The following SORCS2 variants were observed in gnomAD, a reference collection of about 807,000 sequenced individuals.
SORCS2 encodes sortilin related VPS10 domain containing receptor 2.
SORCS2 carries 100 observed loss-of-function variants against 141.6 expected under a neutral mutation model. That is an observed-to-expected ratio of 0.71 (90% CI 0.60 to 0.83). The LOEUF (loss-of-function observed/expected upper bound fraction) is 0.83. Ranked by LOEUF, SORCS2 falls within the 40% of genes least tolerant of loss-of-function variation. The probability of loss-of-function intolerance (pLI) is 0.00; values close to 1 mark genes in which losing one functional copy is unlikely to be tolerated. For missense variants in SORCS2, 1,646 were observed against 1,560.2 expected (o/e 1.05, Z -0.93); for synonymous variants, 789 against 676.9 (o/e 1.17, Z -2.57).
At chr4:7,278,345 C>G (rs143548991) in intron 1 of SORCS2, among the ~76,000 whole-genome samples, 3 of 152,164 alleles carry the variant, frequency 2.0e-5, no homozygotes, top group African/African-American at 7.2e-5. Flanking sequence ...ACGGGGTCTT[C>G]GTTCTTCTTC....
Position 7,676,163 on chromosome 4 carries a change from G to A in SORCS2, c.1275G>A (p.Ala425=), listed in dbSNP as rs774248850. The A allele has an allele frequency of 6.4e-6, 10 of 1,559,214 alleles. No individual in the cohort carries two copies. Among genetic ancestry groups the A allele is most frequent in the Admixed American group, 3.8e-5 (2 of 51,962 alleles). Residue 425 remains alanine (A), a synonymous_variant, in exon 9 of 27, where the codon GCG becomes GCA. Coordinates refer to ENST00000507866, the MANE Select transcript of SORCS2 (RefSeq NM_020777.3). ...CGGACCCACGGGGCGTGCGCTACGC[G>A]CTGGTGCTGCAGGACGTGCGCAGCT... The part of the protein sequence containing the change: ...YQSDPRGVRY[A]LVLQDVRSSR...
chr4:7,268,566 G>A (rs1227505765), intron 1 of SORCS2, among the ~76,000 whole-genome samples: 1 of 152,190 alleles, frequency 6.6e-6, no homozygotes, highest in African/African-American at 2.4e-5. Flanking sequence ...GCAAACCTCC[G>A]AGGGCCCATG....
At chr4:7,332,297 C>T (rs1301540583) in intron 1 of SORCS2, among the ~76,000 whole-genome samples, 4 of 152,182 alleles carry the variant, frequency 2.6e-5, no homozygotes, top group East Asian at 1.9e-4. Flanking sequence ...GGGCCCTGTC[C>T]GCAGGCTCTG....
chr4:7,575,933 G>T (rs1715720700), intron 3 of SORCS2, among the ~76,000 whole-genome samples: 1 of 152,226 alleles, frequency 6.6e-6, no homozygotes, highest in South Asian at 2.1e-4. Flanking sequence ...ACAACTGAAT[G>T]ATCTGAGTTC....
At chr4:7,345,764 T>G (rs530523077) in intron 1 of SORCS2, among the ~76,000 whole-genome samples, 1 of 152,232 alleles carries the variant, frequency 6.6e-6, no homozygotes, top group Non-Finnish European at 1.5e-5. Context: ...TTGGTAACCC[T>G]TCTGCAGCAG....
chr4:7,446,029 C>G (rs192296936), intron 2 of SORCS2, among the ~76,000 whole-genome samples: 399 of 152,212 alleles, frequency 2.6e-3, no homozygotes, highest in Non-Finnish European at 4.5e-3. Context: ...CCTTCTCTCC[C>G]TCTTTCATTC....
chr4:7,364,468 G>GT (rs1239351579), intron 1 of SORCS2, among the ~76,000 whole-genome samples: 1 of 152,208 alleles, frequency 6.6e-6, no homozygotes, highest in Non-Finnish European at 1.5e-5. Flanking sequence ...TGCTATGGGG[G>GT]TGGCAGTGGG....
At chr4:7,470,195 T>G (rs980202123) in intron 2 of SORCS2, among the ~76,000 whole-genome samples, 4 of 150,620 alleles carry the variant, frequency 2.7e-5, no homozygotes, top group African/African-American at 9.8e-5. Context: ...CTCCCATCCC[T>G]CCCATCCATC....
Position 7,374,674 on chromosome 4 carries a change from C to T in SORCS2, c.481-21614C>T, listed in dbSNP as rs896561177. On this transcript the variant is annotated intron_variant, in intron 1 of 26. Transcript: ENST00000507866. The stretch of plus-strand genomic sequence containing the variant: ...ACGACCAAGAGCTGGGGTCCCCGAT[C>T]GCTGAACAGCCCACACATTTGCAGG... Among the ~76,000 whole-genome samples, 13 of 152,148 alleles carry T rather than the reference C, an allele frequency of 8.5e-5. No homozygotes were observed. The South Asian group carries it at 1.5e-3, about 17-fold the overall frequency.
At chr4:7,607,190 T>C (rs1211123514) in intron 3 of SORCS2, among the ~76,000 whole-genome samples, 2 of 152,210 alleles carry the variant, frequency 1.3e-5, no homozygotes, top group Admixed American at 6.5e-5. Context: ...ACCTTCAAAA[T>C]TGATCTCTCT....
At chr4:7,607,157 C>T (rs189657014) in intron 3 of SORCS2, among the ~76,000 whole-genome samples, 91 of 152,322 alleles carry the variant, frequency 6.0e-4, no homozygotes, top group African/African-American at 2.0e-3. Context: ...ACAAGAGTTA[C>T]GCTTATGAAG....
intron 25 of SORCS2, among the ~76,000 whole-genome samples, chr4:7,736,034 C>T (rs556854297): frequency 6.6e-6 from 1 of 152,360 alleles, no homozygotes; most frequent in South Asian, 2.1e-4. Context: ...TGGGCATAGG[C>T]AGAAGTGCCC....
At position 7,193,330 on chromosome 4, in the gene SORCS2, C is replaced by A. The variant is rs767619568; in HGVS notation, c.480+204C>A. ...TTGGGGAGAGGTCCTCAGATTCGTA[C>A]GCTTGTCTCACCGCAGGGGACATTC... On this transcript the variant is annotated intron_variant, in intron 1 of 26. Transcript: ENST00000507866. The surrounding 1 kb of genome is among the most constrained non-coding windows in gnomAD (Gnocchi z 4.8). Among the ~76,000 whole-genome samples, 1 of 152,184 alleles carries A rather than the reference C, an allele frequency of 6.6e-6. No homozygotes were observed. The highest frequency in any genetic ancestry group is 1.5e-5 in the Non-Finnish European group (1 of 68,032).
rs142235170 is a variant in SORCS2, at chr4:7,725,864, C to T, written c.2745+577C>T. Among the ~76,000 whole-genome samples, 1,300 of 152,358 alleles carry T rather than the reference C, an allele frequency of 8.5e-3. 10 individuals carry two copies. The highest frequency in any genetic ancestry group is 0.011 in the South Asian group (53 of 4,830). The stretch of plus-strand genomic sequence containing the variant: ...CAGGAAGCCCCCTACCAGCAGCTGA[C>T]GGCCCTGACACAGAGCCCCAGCAAG... On this transcript the variant is annotated intron_variant, in intron 20 of 26. Transcript: ENST00000507866.
rs756489341 is a variant in SORCS2 at position 7,654,170 on chromosome 4, C to T, written c.850C>T (p.Leu284Phe). Residue 284 changes from leucine (L) to phenylalanine (F), a missense_variant, in exon 5 of 27, where the codon CTT (leucine) becomes TTT (phenylalanine). Leu to Phe is a conservative substitution (Grantham distance 22). Transcript: ENST00000507866. Reference sequence around the variant, plus strand: ...ATCTGACTTGGGGAAAAAGTGGACACTTCTGCAAGAGCGAGTGACCAAAGA... The same window carrying T: ...ATCTGACTTGGGGAAAAAGTGGACATTTCTGCAAGAGCGAGTGACCAAAGA... ...VSSDLGKKWTLLQERVTKDHV... is the reference protein window; with the variant it reads ...VSSDLGKKWTFLQERVTKDHV... 3.2e-6 allele frequency: 5 copies of T among 1,584,032 alleles called. No individual in the cohort carries two copies. The African/African-American group carries it at 5.4e-5, about 17-fold the overall frequency.
At chr4:7,707,438 T>C (rs966644888) in intron 14 of SORCS2, among the ~76,000 whole-genome samples, 3 of 152,136 alleles carry the variant, frequency 2.0e-5, no homozygotes, top group Non-Finnish European at 4.4e-5. Flanking sequence ...TGAGATTGCG[T>C]GGGGCACAAG....
intron 3 of SORCS2, among the ~76,000 whole-genome samples, chr4:7,618,206 G>A (rs763171006): frequency 2.6e-5 from 4 of 151,906 alleles, no homozygotes; most frequent in Admixed American, 6.6e-5. Flanking sequence ...CCCCCTTCAC[G>A]CTAAAAACTC....
intron 1 of SORCS2, among the ~76,000 whole-genome samples, chr4:7,305,321 A>G (rs1007177498): frequency 1.3e-4 from 20 of 149,072 alleles, no homozygotes; most frequent in Middle Eastern, 3.6e-3. Flanking sequence ...GTGAGCCACC[A>G]CGCACGGCCC....
At chr4:7,407,971 T>G (rs1452003136) in intron 2 of SORCS2, among the ~76,000 whole-genome samples, 1 of 152,096 alleles carries the variant, frequency 6.6e-6, no homozygotes, top group African/African-American at 2.4e-5. Context: ...TATCCTCATC[T>G]CCCCCATATT....
Sources: allele counts gnomAD v4.1 joint callset (sites outside exome capture counted in the v4.1 genomes callset), GRCh38; gene constraint gnomAD v4.1.1; non-coding constraint Gnocchi (gnomAD v3.1); transcripts MANE v1.5; gene names NCBI Gene and HGNC (gene_info 2026-07-23, HGNC 2026-07-21).